KCTD5: variants seen among roughly 807,000 people sequenced by gnomAD.
KCTD5 encodes BTB/POZ domain-containing protein KCTD5.
A neutral mutation model predicts 27.9 loss-of-function variants in KCTD5; 12 were observed. The observed-to-expected ratio is 0.43, with a 90% CI of 0.28 to 0.70. KCTD5 has a LOEUF of 0.70. KCTD5 is among the 30% of genes least tolerant of loss of function. The pLI, the probability that KCTD5 is intolerant of heterozygous loss-of-function variation, is 0.19. For missense variants in KCTD5, 226 were observed against 274.8 expected (o/e 0.82, Z 1.26); for synonymous variants, 147 against 121.4 (o/e 1.21, Z -1.39).
At chr16:2,688,426 T>C (rs1219901685) in intron 1 of KCTD5, among the ~76,000 whole-genome samples, 2 of 151,818 alleles carry the variant, frequency 1.3e-5, no homozygotes, top group Admixed American at 6.6e-5. Flanking sequence ...GATTTTTGTA[T>C]AGTCAGTAGA....
intron 4 of KCTD5, among the ~76,000 whole-genome samples, chr16:2,700,444 G>C (rs2067606416): frequency 6.6e-6 from 1 of 152,240 alleles, no homozygotes; most frequent in African/African-American, 2.4e-5. Flanking sequence ...TTCTTCAGCA[G>C]CTTCCACGGA....
chr16:2,707,419 C>T lies in KCTD5; in HGVS notation c.*92C>T. 7.7e-7 allele frequency: 1 copy of T among 1,303,288 alleles called. No individual in the cohort carries two copies. The highest frequency in any genetic ancestry group is 1.1e-6 in the Non-Finnish European group (1 of 897,196). The allele number at this position is 1,303,288 out of a possible 1,614,324, so 80.7% of individuals were successfully genotyped here. A position where few individuals can be genotyped will look rare whatever the true frequency, so the allele number is the denominator to read the frequency against. Reference sequence around the variant, plus strand: ...CAGGAAGCTTGGCTGTGAGAAGAAACCTGCTTTTGATCATTTTTCTAGAGA... The same window carrying T: ...CAGGAAGCTTGGCTGTGAGAAGAAATCTGCTTTTGATCATTTTTCTAGAGA... On this transcript the variant is annotated 3_prime_UTR_variant, in exon 6 of 6. Transcript: ENST00000301738.
In KCTD5 at chr16:2,682,695, C is replaced by T. The variant is rs1335984442; in HGVS notation, c.147C>T (p.Asn49=). 1.2e-6 allele frequency: 2 copies of T among 1,609,896 alleles called. No individual in the cohort carries two copies. Among genetic ancestry groups the T allele is most frequent in the African/African-American group, 1.3e-5 (1 of 74,590 alleles). The part of the protein sequence containing the change: ...PGSVSKWVRL[N]VGGTYFLTTR... The stretch of plus-strand genomic sequence containing the variant: ...GCGTGTCCAAGTGGGTCCGACTCAA[C>T]GTCGGCGGCACCTACTTCCTCACCA... Residue 49 remains asparagine (N), a synonymous_variant, in exon 1 of 6, where the codon AAC becomes AAT. Coordinates refer to ENST00000301738, the MANE Select transcript of KCTD5 (RefSeq NM_018992.4).
intron 2 of KCTD5, among the ~76,000 whole-genome samples, chr16:2,697,702 G>A (rs1256882110): frequency 1.3e-5 from 2 of 152,202 alleles, no homozygotes; most frequent in Non-Finnish European, 2.9e-5. Flanking sequence ...CTCTCACCAC[G>A]GCCCCTCCGC....
chr16:2,687,746 C>T (rs755392417), intron 1 of KCTD5, among the ~76,000 whole-genome samples: 3 of 152,250 alleles, frequency 2.0e-5, no homozygotes, highest in East Asian at 1.9e-4. Flanking sequence ...TAGCAGCCCC[C>T]CTCCACGCCC....
intron 5 of KCTD5, among the ~76,000 whole-genome samples, chr16:2,703,532 G>A (rs1289892507): frequency 1.3e-5 from 2 of 152,216 alleles, no homozygotes; most frequent in Non-Finnish European, 2.9e-5. Flanking sequence ...CCTCTGGCCG[G>A]CCACCAGCAG....
intron 5 of KCTD5, among the ~76,000 whole-genome samples, chr16:2,706,759 G>T (rs1442304675): frequency 2.6e-5 from 4 of 151,996 alleles, no homozygotes; most frequent in Admixed American, 2.0e-4. Context: ...TGCACTTGGG[G>T]TAGGGCCCTC....
chr16:2,691,069 C>T (rs1055858759), intron 1 of KCTD5, among the ~76,000 whole-genome samples: 4 of 152,208 alleles, frequency 2.6e-5, no homozygotes, highest in Non-Finnish European at 4.4e-5. Flanking sequence ...TGGGCTCACC[C>T]GAGCTGGGAG....
At chr16:2,691,358 C>T (rs1007876294) in intron 1 of KCTD5, among the ~76,000 whole-genome samples, 9 of 152,198 alleles carry the variant, frequency 5.9e-5, no homozygotes, top group African/African-American at 1.7e-4. Context: ...AAGAAACGGC[C>T]GGAGAGCTGT....
In KCTD5 at chr16:2,708,449, C is replaced by T. The variant is rs1185676034; in HGVS notation, c.*1122C>T. On this transcript the variant is annotated 3_prime_UTR_variant, in exon 6 of 6. Coordinates refer to ENST00000301738, the MANE Select transcript of KCTD5 (RefSeq NM_018992.4). ...TTCTCAGCTGGCTGTGGGGACCTGT[C>T]AGAGTCTGGGGACTCGGCGTGCAGG... The T allele has an allele frequency of 6.6e-6, 1 of 152,518 alleles. No homozygotes were observed. The highest frequency in any genetic ancestry group is 6.5e-5 in the Admixed American group (1 of 15,288). 9.4% of individuals were successfully genotyped at this position (152,518 alleles called of 1,614,324 possible).
At chr16:2,691,045 C>A (rs555530218) in intron 1 of KCTD5, among the ~76,000 whole-genome samples, 1 of 152,212 alleles carries the variant, frequency 6.6e-6, no homozygotes, top group African/African-American at 2.4e-5. Context: ...CACATTAGGC[C>A]GATCTGGAAC....
At chr16:2,697,848 C>A in intron 2 of KCTD5, 58 bp from the exon 3 acceptor site, 2 of 1,232,944 alleles carry the variant, frequency 1.6e-6, no homozygotes, top group Non-Finnish European at 1.2e-6. Context: ...GGGTGTAAAG[C>A]GTGGATTCTT....
rs139629027 is a variant in KCTD5, at chr16:2,707,963, A to G, written c.*636A>G. On this transcript the variant is annotated 3_prime_UTR_variant, in exon 6 of 6. Coordinates refer to ENST00000301738, the MANE Select transcript of KCTD5 (RefSeq NM_018992.4). ...GGACAGTCAAGGCTTCTCAATTTGTATTTTCCAGGCAAGAGAACTTTGTAC... is the reference window on the plus strand; with the variant it reads ...GGACAGTCAAGGCTTCTCAATTTGTGTTTTCCAGGCAAGAGAACTTTGTAC... 438 of 155,550 alleles carry G rather than the reference A, an allele frequency of 2.8e-3. 2 individuals are homozygous for G. The highest frequency in any genetic ancestry group is 0.01 in the African/African-American group (419 of 41,576). 9.6% of individuals were successfully genotyped at this position (155,550 alleles called of 1,614,324 possible).
At chr16:2,699,477 G>T (rs1021981110) in intron 3 of KCTD5, among the ~76,000 whole-genome samples, 1 of 152,234 alleles carries the variant, frequency 6.6e-6, no homozygotes, top group Non-Finnish European at 1.5e-5. Flanking sequence ...TTTCCCGACC[G>T]ATGAATTCAG....
At chr16:2,692,865 A>G (rs1212692111) in intron 1 of KCTD5, among the ~76,000 whole-genome samples, 1 of 152,264 alleles carries the variant, frequency 6.6e-6, no homozygotes, top group Non-Finnish European at 1.5e-5. Context: ...CTGAGCCTGC[A>G]AGGGCCCGGC....
chr16:2,700,737 C>T lies in KCTD5; in HGVS notation c.549+821C>T, dbSNP rs539211535. ...AGTGACAGGCTCAGCCAGTGTCCCT[C>T]TGAATGAAAGCTACCTTTTCCTTGG... On this transcript the variant is annotated intron_variant, in intron 4 of 5. Coordinates refer to ENST00000301738, the MANE Select transcript of KCTD5 (RefSeq NM_018992.4). Among the ~76,000 whole-genome samples the T allele has an allele frequency of 2.2e-4, 34 of 152,292 alleles. No homozygotes were observed. In the South Asian group the frequency reaches 6.6e-3, roughly 30 times the overall value.
chr16:2,696,804 C>G (rs1596223392), intron 2 of KCTD5, among the ~76,000 whole-genome samples: 1 of 152,266 alleles, frequency 6.6e-6, no homozygotes, highest in East Asian at 1.9e-4. Context: ...GGGGCTGTGG[C>G]CCAGCCCTGC....
At chr16:2,698,089 T>C (rs1262839806) in intron 3 of KCTD5, 92 bp downstream of exon 3, 2 of 880,406 alleles carry the variant, frequency 2.3e-6, no homozygotes, top group African/African-American at 3.4e-5. Flanking sequence ...CCCAAATAAG[T>C]CCTGCGGTCT....
At position 2,707,451 on chromosome 16, in the gene KCTD5, T is replaced by C; in HGVS notation, c.*124T>C. ...TTGATCATTTTTCTAGAGATCTGGG[T>C]GTGAATCCTTTTTTGCCTCTGAGGT... On this transcript the variant is annotated 3_prime_UTR_variant, in exon 6 of 6. Transcript: ENST00000301738. 9.7e-7 allele frequency: 1 copy of C among 1,036,070 alleles called. No individual in the cohort carries two copies. Among genetic ancestry groups the C allele is most frequent in the African/African-American group, 1.6e-5 (1 of 63,226 alleles). 64.2% of individuals were successfully genotyped at this position (1,036,070 alleles called of 1,614,324 possible).
Sources: gnomAD v4.1 joint callset for allele counts (sites outside exome capture counted in the v4.1 genomes callset) on GRCh38, gnomAD v4.1.1 for gene constraint, MANE v1.5 for transcripts, NCBI Gene and HGNC (gene_info 2026-07-23, HGNC 2026-07-21) for gene names.